Variants in ARL10 observed in about 807,000 individuals in gnomAD.
The protein encoded by ARL10 is ARF like GTPase 10.
In ARL10, 23 loss-of-function variants were observed where a neutral mutation model predicts 26.1. That is an observed-to-expected ratio of 0.88 (90% confidence interval 0.63 to 1.25). The LOEUF (loss-of-function observed/expected upper bound fraction) is 1.25. ARL10 is among the 50% of genes most tolerant of loss of function. ARL10 has a pLI of 0.00. For synonymous variants in ARL10, 138 were observed against 149.1 expected (o/e 0.93, Z 0.54); for missense variants, 300 against 323.6 (o/e 0.93, Z 0.56).
chr5:176,390,557 G>A (rs1234240410), downstream of ARL10, among the ~76,000 whole-genome samples: 1 of 152,184 alleles, frequency 6.6e-6, no homozygotes, highest in Admixed American at 6.5e-5. Flanking sequence ...AGCCTCCCGA[G>A]TAGCTGGGAT....
At chr5:176,388,659 T>C, downstream of ARL10, 2 of 1,343,168 alleles carry the variant, frequency 1.5e-6, no homozygotes, top group Non-Finnish European at 2.1e-6. Flanking sequence ...AATGTAGTCC[T>C]TTTGTAGCAC....
At chr5:176,403,421 T>C (rs976398784), downstream of ARL10, among the ~76,000 whole-genome samples, 41 of 151,376 alleles carry the variant, frequency 2.7e-4, no homozygotes, top group African/African-American at 9.2e-4. Context: ...CAACCCTACA[T>C]GGTTGGTTTT....
downstream of ARL10, chr5:176,384,396 T>G: frequency 6.2e-7 from 1 of 1,600,446 alleles, no homozygotes. Flanking sequence ...AGGGCTACTT[T>G]AAGGAGGGCT....
chr5:176,366,506 G>T lies in ARL10; in HGVS notation c.310G>T (p.Glu104Ter). 1 of 1,614,134 alleles carries T rather than the reference G, an allele frequency of 6.2e-7. No homozygotes were observed. Among genetic ancestry groups the T allele is most frequent in the South Asian group, 1.1e-5 (1 of 91,088 alleles). ...LRVLSGKPPL[E>*]GHIPTWGFNS... ...CGTGTTGTCGGGGAAGCCACCGCTG[G>T]AAGGCCACATCCCCACCTGGGGCTT... The change falls in exon 2 of 4, where the codon GAA (glutamate) becomes TAA (stop). Residue 104 changes from glutamate to a stop codon, truncating the protein, a stop_gained. Coordinates refer to ENST00000310389, the MANE Select transcript of ARL10 (RefSeq NM_173664.6). LOFTEE classifies it high-confidence loss of function.
In ARL10 at chr5:176,368,054, G is replaced by A. The variant is rs1469252587; in HGVS notation, c.386-753G>A. The A allele has an allele frequency of 2.0e-6, 1 of 510,246 alleles. No individual in the cohort carries two copies. Among genetic ancestry groups the A allele is most frequent in the Non-Finnish European group, 3.9e-6 (1 of 253,640 alleles). 31.6% of individuals were successfully genotyped at this position (510,246 alleles called of 1,614,324 possible). ...GCTTTGTGGGGATTCAGAGGTAAGT[G>A]CCTCTGACTCTCACAGCTTAGAATC... On this transcript the variant is annotated intron_variant, in intron 2 of 3. Transcript: ENST00000310389. This position sits in a 1 kb window ranked among gnomAD's most constrained non-coding sequence, Gnocchi z 4.1.
At chr5:176,388,735 T>G (rs1023920455), downstream of ARL10, 16 of 1,545,228 alleles carry the variant, frequency 1.0e-5, no homozygotes, top group Non-Finnish European at 1.3e-5. Flanking sequence ...AAGGCTCAAT[T>G]TATTCGTTTC....
At chr5:176,413,565 G>C in the ARL10 span, among the ~76,000 whole-genome samples, 1 of 152,232 alleles carries the variant, frequency 6.6e-6, no homozygotes, top group African/African-American at 2.4e-5. Flanking sequence ...TCAGCACAGA[G>C]ATTGCTAATC....
rs867107390 is a variant in ARL10, at chr5:176,375,400, C to T, written c.*3505C>T. The T allele has an allele frequency of 6.6e-6, 1 of 151,930 alleles. No individual in the cohort carries two copies. Among genetic ancestry groups the T allele is most frequent in the Admixed American group, 6.6e-5 (1 of 15,250 alleles). The allele number at this position is 151,930 out of a possible 1,614,324, so 9.4% of individuals were successfully genotyped here. On this transcript the variant is annotated 3_prime_UTR_variant, in exon 4 of 4. Transcript: ENST00000310389. ...TCTACCTGTGCGAATCTCTGTGCTA[C>T]AAAATTCTTTTCAATTTAGCATTAA...
intron 3 of ARL10, among the ~76,000 whole-genome samples, chr5:176,369,671 T>G (rs1297811866): frequency 2.0e-4 from 31 of 152,186 alleles, no homozygotes; most frequent in Non-Finnish European, 1.5e-5. Context: ...AGTAATAGAA[T>G]TGGTCCAGGC....
the ARL10 span, chr5:176,410,322 G>C: frequency 6.2e-7 from 1 of 1,611,810 alleles, no homozygotes; most frequent in African/African-American, 1.3e-5. Context: ...AGAACAAGGA[G>C]ATAGCATTAC....
intron 1 of ARL10, among the ~76,000 whole-genome samples, chr5:176,399,045 T>C (rs1209867190): frequency 1.3e-5 from 2 of 152,080 alleles, no homozygotes; most frequent in Non-Finnish European, 2.9e-5. Context: ...GGTTTCTCCA[T>C]GTTGGTCAGG....
chr5:176,367,715 T>C (rs557216919), intron 2 of ARL10, among the ~76,000 whole-genome samples: 1 of 152,370 alleles, frequency 6.6e-6, no homozygotes, highest in South Asian at 2.1e-4. Flanking sequence ...TTCCCATGGC[T>C]GGCTCCTTCT....
At chr5:176,391,003 G>T (rs989538456), downstream of ARL10, among the ~76,000 whole-genome samples, 1 of 152,144 alleles carries the variant, frequency 6.6e-6, no homozygotes, top group Non-Finnish European at 1.5e-5. Flanking sequence ...GAGGACCTGC[G>T]CTCTTCCCGA....
At chr5:176,392,609 G>T (rs1756303282), downstream of ARL10, 1 of 691,932 alleles carries the variant, frequency 1.4e-6, no homozygotes, top group Non-Finnish European at 2.4e-6. This position sits in a 1 kb window ranked among gnomAD's most constrained non-coding sequence, Gnocchi z 5.2. Context: ...CCAGGAGGGA[G>T]CGAGGCGTGA....
rs1581392714 is a variant in ARL10 at position 176,368,562 on chromosome 5, G to A, written c.386-245G>A. On this transcript the variant is annotated intron_variant, in intron 2 of 3. Coordinates refer to ENST00000310389, the MANE Select transcript of ARL10 (RefSeq NM_173664.6). This position sits in a 1 kb window ranked among gnomAD's most constrained non-coding sequence, Gnocchi z 4.1. ...GCTAGGGACTTGCCCCAAGAGACCC[G>A]CCTATCAGAGCTAGAGCTAAATCCA... Among the ~76,000 whole-genome samples the A allele has an allele frequency of 1.3e-5, 2 of 152,088 alleles. No individual in the cohort carries two copies. Among genetic ancestry groups the A allele is most frequent in the Non-Finnish European group, 1.5e-5 (1 of 68,022 alleles).
At chr5:176,406,304 C>G, downstream of ARL10, 1 of 1,054,240 alleles carries the variant, frequency 9.5e-7, no homozygotes, top group East Asian at 1.0e-4. Context: ...CAGGAGGCGA[C>G]AGTCAGGGCC....
chr5:176,396,500 T>A lies in ARL10; in HGVS notation c.134-5241T>A, dbSNP rs774149649. 2.5e-6 allele frequency: 4 copies of A among 1,614,036 alleles called. 1 individual carries two copies. The highest frequency in any genetic ancestry group is 3.4e-6 in the Non-Finnish European group (4 of 1,179,928). The stretch of plus-strand genomic sequence containing the variant: ...GTACACGTAGCCGATGATATCAGCA[T>A]CTGGCTGCTGGTAGAATGCTTTGTC... On this transcript the variant is annotated intron_variant, in intron 1 of 1. Coordinates refer to the ARL10 transcript ENST00000514533.
intron 1 of ARL10, among the ~76,000 whole-genome samples, chr5:176,387,857 GA>G (rs1166617652): frequency 3.3e-5 from 5 of 152,182 alleles, no homozygotes; most frequent in Non-Finnish European, 5.9e-5. Context: ...GAAGCCTAGG[GA>G]AGCCTCAGAC....
At chr5:176,384,279 C>G, downstream of ARL10, 1 of 1,614,236 alleles carries the variant, frequency 6.2e-7, no homozygotes, top group Non-Finnish European at 8.5e-7. Flanking sequence ...GGAAGTCTTG[C>G]CACTCTGCTG....
Sources: gnomAD v4.1 joint callset for allele counts (sites outside exome capture counted in the v4.1 genomes callset) on GRCh38, gnomAD v4.1.1 for gene constraint, Gnocchi (gnomAD v3.1) non-coding constraint, MANE v1.5 for transcripts, NCBI Gene and HGNC (gene_info 2026-07-23, HGNC 2026-07-21) for gene names.